ZNF804A: variants seen among roughly 807,000 people sequenced by gnomAD.
ZNF804A encodes the protein zinc finger protein 804A.
In ZNF804A, 2 loss-of-function variants were observed where a neutral mutation model predicts 16.5. The ratio of observed to expected loss-of-function variants is 0.12; its 90% CI spans 0.05 to 0.38. The LOEUF is 0.38. Ranked by LOEUF, ZNF804A falls within the 10% of genes least tolerant of loss-of-function variation. The pLI is 0.99. For synonymous variants in ZNF804A, 534 were observed against 489.6 expected (o/e 1.09, Z -1.20); for missense variants, 1,473 against 1,390.7 (o/e 1.06, Z -0.94).
intron 1 of ZNF804A, among the ~76,000 whole-genome samples, chr2:184,662,471 A>C (rs1692190050): frequency 6.6e-6 from 1 of 152,202 alleles, no homozygotes; most frequent in Non-Finnish European, 1.5e-5. Flanking sequence ...TCATTAGTCT[A>C]CTTGGCTATT....
At chr2:184,737,320 C>T (rs1235407715) in intron 1 of ZNF804A, among the ~76,000 whole-genome samples, 2 of 152,008 alleles carry the variant, frequency 1.3e-5, no homozygotes, top group Non-Finnish European at 2.9e-5. Context: ...CCCGGCCTCC[C>T]AAAGTGCTGG....
intron 2 of ZNF804A, among the ~76,000 whole-genome samples, chr2:184,918,608 T>C (rs1444611745): frequency 6.6e-6 from 1 of 152,040 alleles, no homozygotes; most frequent in Non-Finnish European, 1.5e-5. Flanking sequence ...TTTTTTGGGG[T>C]GGATGAGGGT....
At chr2:184,648,347 C>T (rs1307642114) in intron 1 of ZNF804A, among the ~76,000 whole-genome samples, 6 of 152,088 alleles carry the variant, frequency 3.9e-5, no homozygotes, top group African/African-American at 1.4e-4. Context: ...AAAACAATCA[C>T]GCAATAGAAA....
intron 1 of ZNF804A, among the ~76,000 whole-genome samples, chr2:184,745,377 T>C (rs991719978): frequency 2.0e-5 from 3 of 151,814 alleles, no homozygotes; most frequent in Admixed American, 6.6e-5. Flanking sequence ...TTGCCATGCA[T>C]AATAGCTAAT....
rs1441572805 is a variant in ZNF804A at position 184,658,015 on chromosome 2, T to A, written c.111+58945T>A. ...GTTCATTAGTGTTGGATAAATAACC[T>A]TTTAATGAAATAATTTTTTAAAATC... On this transcript the variant is annotated intron_variant, in intron 1 of 3. Transcript: ENST00000302277. 2.0e-5 allele frequency among the ~76,000 whole-genome samples: 3 copies of A among 152,382 alleles called. No homozygotes were observed. In the South Asian group the frequency reaches 6.2e-4, roughly 32 times the overall value.
chr2:184,786,547 G>A (rs1694451584), intron 1 of ZNF804A, among the ~76,000 whole-genome samples: 2 of 151,870 alleles, frequency 1.3e-5, no homozygotes, highest in Admixed American at 1.3e-4. Context: ...TTAGTTCAGA[G>A]CCTGAAATTA....
intron 1 of ZNF804A, among the ~76,000 whole-genome samples, chr2:184,833,971 A>G (rs1695304812): frequency 6.6e-6 from 1 of 152,044 alleles, no homozygotes; most frequent in African/African-American, 2.4e-5. Flanking sequence ...TTTTGGGCAG[A>G]TATTTTGAGA....
intron 1 of ZNF804A, among the ~76,000 whole-genome samples, chr2:184,610,952 C>CT (rs542461620): frequency 2.7e-4 from 41 of 152,172 alleles, no homozygotes; most frequent in African/African-American, 9.2e-4. Context: ...TCAACATTTC[C>CT]TTTTTTTCTC....
At chr2:184,610,844 C>T (rs886778292) in intron 1 of ZNF804A, among the ~76,000 whole-genome samples, 3 of 152,286 alleles carry the variant, frequency 2.0e-5, no homozygotes, top group Admixed American at 2.0e-4. Flanking sequence ...GTTCACCTCT[C>T]TCCCTGTTAG....
chr2:184,647,660 G>A (rs1234853784), intron 1 of ZNF804A, among the ~76,000 whole-genome samples: 2 of 152,152 alleles, frequency 1.3e-5, no homozygotes, highest in Non-Finnish European at 2.9e-5. Flanking sequence ...ATGAAGATCT[G>A]TATTTTGAAC....
intron 1 of ZNF804A, among the ~76,000 whole-genome samples, chr2:184,679,282 G>A (rs1692493716): frequency 6.6e-6 from 1 of 152,216 alleles, no homozygotes; most frequent in Non-Finnish European, 1.5e-5. Flanking sequence ...AAATACAAAT[G>A]TAACTAATAG....
Position 184,691,444 on chromosome 2 carries a change from T to C in ZNF804A, c.111+92374T>C, listed in dbSNP as rs1692722811. On this transcript the variant is annotated intron_variant, in intron 1 of 3. Transcript: ENST00000302277. ...ATATATATATAGTAAATGTTGATAA[T>C]TATACAACTTGATTTTATTTACTAT... Among the ~76,000 whole-genome samples, 4 of 151,592 alleles carry C rather than the reference T, an allele frequency of 2.6e-5. No homozygotes were observed. In the South Asian group the frequency reaches 8.3e-4, roughly 31 times the overall value.
Position 184,827,854 on chromosome 2 carries a change from G to C in ZNF804A, c.112-38515G>C, listed in dbSNP as rs556071490. ...TAATACCCATTACTGTCAGCTGTAA[G>C]TCAGGCTGTTTACACGTTGATATTC... On this transcript the variant is annotated intron_variant, in intron 1 of 3. Coordinates refer to ENST00000302277, the MANE Select transcript of ZNF804A (RefSeq NM_194250.2). 6.6e-5 allele frequency among the ~76,000 whole-genome samples: 10 copies of C among 151,718 alleles called. No homozygotes were observed. In the East Asian group the frequency reaches 1.9e-3, roughly 29 times the overall value.
chr2:184,741,909 A>G (rs1422989414), intron 1 of ZNF804A, among the ~76,000 whole-genome samples: 1 of 152,128 alleles, frequency 6.6e-6, no homozygotes, highest in Non-Finnish European at 1.5e-5. Flanking sequence ...TGCCCTCTGG[A>G]AAGCAAGTAA....
chr2:184,642,490 A>G (rs550616984), intron 1 of ZNF804A, among the ~76,000 whole-genome samples: 31 of 152,314 alleles, frequency 2.0e-4, no homozygotes, highest in Non-Finnish European at 3.2e-4. Context: ...TTGTATCAAC[A>G]TCTTCATAAC....
intron 1 of ZNF804A, among the ~76,000 whole-genome samples, chr2:184,684,958 G>A (rs1040359777): frequency 1.6e-4 from 25 of 152,074 alleles, no homozygotes; most frequent in African/African-American, 6.0e-4. Context: ...GGTGCCTTCT[G>A]CCTGAGTGTT....
intron 2 of ZNF804A, among the ~76,000 whole-genome samples, chr2:184,892,483 C>CTTTTGTTTTTTTTTTTT (rs1684999845): frequency 9.5e-6 from 1 of 105,708 alleles, no homozygotes; most frequent in Non-Finnish European, 1.8e-5. Flanking sequence ...TTGTTGTGTT[C>CTTTTGTTTTTTTTTTTT]TTTTTTTTTT....
intron 1 of ZNF804A, among the ~76,000 whole-genome samples, chr2:184,654,854 T>G (rs562027627): frequency 3.3e-5 from 5 of 152,328 alleles, no homozygotes; most frequent in South Asian, 2.1e-4. Context: ...CCAAGAGAGA[T>G]AATTCCATTG....
At chr2:184,656,418 G>A (rs1484794434) in intron 1 of ZNF804A, among the ~76,000 whole-genome samples, 2 of 152,044 alleles carry the variant, frequency 1.3e-5, no homozygotes, top group African/African-American at 4.8e-5. Flanking sequence ...AATCTGAGGA[G>A]TATTTCAAAT....
Sources: allele counts gnomAD v4.1 joint callset (sites outside exome capture counted in the v4.1 genomes callset), GRCh38; gene constraint gnomAD v4.1.1; transcripts MANE v1.5; gene names NCBI Gene and HGNC (gene_info 2026-07-23, HGNC 2026-07-21).